Variants in DENND2A observed in about 807,000 individuals in gnomAD.
DENND2A encodes the protein DENN domain-containing protein 2A.
In DENND2A, 53 loss-of-function variants were observed where a neutral mutation model predicts 105.3. The observed-to-expected ratio is 0.50, with a 90% CI of 0.40 to 0.63. The LOEUF is 0.63. Ranked by LOEUF, DENND2A falls within the 30% of genes least tolerant of loss-of-function variation. The pLI, the probability that DENND2A is intolerant of heterozygous loss-of-function variation, is 0.00. For synonymous variants in DENND2A, 522 were observed against 508.4 expected (o/e 1.03, Z -0.36); for missense variants, 1,138 against 1,279.6 (o/e 0.89, Z 1.69).
chr7:140,556,756 A>T lies in DENND2A; in HGVS notation c.1960-1043T>A, dbSNP rs77772798. On this transcript the variant is annotated intron_variant, in intron 11 of 19. Coordinates refer to ENST00000496613, the MANE Select transcript of DENND2A (RefSeq NM_015689.5). Reference sequence around the variant, plus strand: ...TTAATTCAAAAAATGTTTCTTGAACACCTACTATGTGCCACGCATTATACT... The same window carrying T: ...TTAATTCAAAAAATGTTTCTTGAACTCCTACTATGTGCCACGCATTATACT... 6.0e-3 allele frequency among the ~76,000 whole-genome samples: 914 copies of T among 152,324 alleles called. 10 individuals are homozygous for T. Among genetic ancestry groups the T allele is most frequent in the African/African-American group, 0.019 (801 of 41,566 alleles).
chr7:140,614,136 C>G (rs1465364004), intron 1 of DENND2A, among the ~76,000 whole-genome samples: 1 of 152,084 alleles, frequency 6.6e-6, no homozygotes, highest in Admixed American at 6.5e-5. Context: ...GACAGAATCA[C>G]TCTGTCACCC....
At chr7:140,627,682 T>G (rs1478091114) in intron 1 of DENND2A, among the ~76,000 whole-genome samples, 1 of 151,706 alleles carries the variant, frequency 6.6e-6, no homozygotes, top group Non-Finnish European at 1.5e-5. Context: ...CTGCAACAAC[T>G]GGCTAATTTT....
intron 5 of DENND2A, 36 bp downstream of exon 5, chr7:140,585,553 C>T (rs536478031): frequency 6.2e-7 from 1 of 1,612,774 alleles, no homozygotes; most frequent in South Asian, 1.1e-5. Context: ...CATGCTTTGG[C>T]CCCCTCTCCT....
Position 140,526,533 on chromosome 7 carries a change from G to A in DENND2A, c.2506-741C>T, listed in dbSNP as rs1796061808. On this transcript the variant is annotated intron_variant, in intron 15 of 19. Coordinates refer to ENST00000496613, the MANE Select transcript of DENND2A (RefSeq NM_015689.5). The stretch of plus-strand genomic sequence containing the variant: ...TCCCAGAGACCTGCCCAGGAGCGGA[G>A]GGCCACCTCTCCTTCCTTCCCACTC... 1.3e-5 allele frequency among the ~76,000 whole-genome samples: 2 copies of A among 152,294 alleles called. 1 individual carries two copies. Among genetic ancestry groups the A allele is most frequent in the Non-Finnish European group, 2.9e-5 (2 of 68,036 alleles).
intron 3 of DENND2A, among the ~76,000 whole-genome samples, chr7:140,590,320 G>A (rs1798962656): frequency 6.6e-6 from 1 of 152,016 alleles, no homozygotes; most frequent in Non-Finnish European, 1.5e-5. Flanking sequence ...AACCGGGGAG[G>A]TGGAAGTTGC....
intron 1 of DENND2A, among the ~76,000 whole-genome samples, chr7:140,611,114 C>T (rs968766924): frequency 1.3e-5 from 2 of 152,156 alleles, no homozygotes; most frequent in Non-Finnish European, 2.9e-5. Flanking sequence ...GGCATGATCT[C>T]GGCTCACCGC....
chr7:140,613,926 T>C (rs7796944), intron 1 of DENND2A, among the ~76,000 whole-genome samples: 10,635 of 152,070 alleles, frequency 0.07, 905 homozygotes, highest in African/African-American at 0.21. Flanking sequence ...CCATGGAAAA[T>C]GTGGATTCAC....
In DENND2A at chr7:140,527,714, C is replaced by T. The variant is rs1322991274; in HGVS notation, c.2328-219G>A. ...CAGCTACAGGGATGAGTTTAACGTC[C>T]TGGATAATTTTTACAAGTGCGTTTC... On this transcript the variant is annotated intron_variant, in intron 14 of 19. Transcript: ENST00000496613. The surrounding 1 kb of genome is among the most constrained non-coding windows in gnomAD (Gnocchi z 4.9). Among the ~76,000 whole-genome samples, 1 of 152,178 alleles carries T rather than the reference C, an allele frequency of 6.6e-6. No homozygotes were observed. Among genetic ancestry groups the T allele is most frequent in the African/African-American group, 2.4e-5 (1 of 41,440 alleles).
chr7:140,617,172 T>C (rs1383455577), intron 1 of DENND2A, among the ~76,000 whole-genome samples: 1 of 152,190 alleles, frequency 6.6e-6, no homozygotes, highest in Non-Finnish European at 1.5e-5. Context: ...AGGCAGTATT[T>C]TACTCCAGTA....
intron 14 of DENND2A, among the ~76,000 whole-genome samples, chr7:140,538,316 T>A (rs1796519508): frequency 6.6e-6 from 1 of 152,164 alleles, no homozygotes; most frequent in East Asian, 1.9e-4. Context: ...ACTGAGTCTG[T>A]GACATGTCCT....
intron 19 of DENND2A, among the ~76,000 whole-genome samples, chr7:140,519,417 C>T (rs1236313915): frequency 6.6e-6 from 1 of 152,180 alleles, no homozygotes; most frequent in Non-Finnish European, 1.5e-5. Flanking sequence ...AGCCCGGGGA[C>T]CCAGAAAAGG....
At chr7:140,575,968 CAAAAA>C (rs34179994) in intron 5 of DENND2A, among the ~76,000 whole-genome samples, 1 of 145,076 alleles carries the variant, frequency 6.9e-6, no homozygotes, top group Non-Finnish European at 1.5e-5. Flanking sequence ...GACTCTATCT[CAAAAA>C]AAAATAAATA....
At chr7:140,571,980 ATCTCTC>A (rs58273598) in intron 6 of DENND2A, among the ~76,000 whole-genome samples, 54 of 149,040 alleles carry the variant, frequency 3.6e-4, no homozygotes, top group East Asian at 1.8e-3. Flanking sequence ...CAGCAGAACC[ATCTCTC>A]TCTCTCTCTC....
chr7:140,555,689 G>A lies in DENND2A; in HGVS notation c.1984C>T (p.Pro662Ser). Residue 662 changes from proline to serine, a missense_variant, in exon 12 of 20, where the codon CCT (proline) becomes TCT (serine). Physicochemically the swap from Pro to Ser is moderately conservative, Grantham distance 74. Coordinates refer to ENST00000496613, the MANE Select transcript of DENND2A (RefSeq NM_015689.5). The stretch of plus-strand genomic sequence containing the variant: ...CGGCTCACAATGCAGTAAACTTCAG[G>A]AAGGCGCTTCCCTTTGCCTCCAGGC... ...LLPGGKGKRL[P>S]EVYCIVSRLG... 1.2e-6 allele frequency: 2 copies of A among 1,608,788 alleles called. No homozygotes were observed. The highest frequency in any genetic ancestry group is 1.1e-5 in the South Asian group (1 of 90,202).
intron 1 of DENND2A, among the ~76,000 whole-genome samples, chr7:140,613,476 G>A (rs973349225): frequency 1.3e-5 from 2 of 149,862 alleles, no homozygotes; most frequent in South Asian, 2.1e-4. Flanking sequence ...GGAGGCAGAG[G>A]TTGCAGCGAG....
rs1016359604 is a variant in DENND2A at position 140,527,647 on chromosome 7, C to A, written c.2328-152G>T. On this transcript the variant is annotated intron_variant, in intron 14 of 19. Coordinates refer to ENST00000496613, the MANE Select transcript of DENND2A (RefSeq NM_015689.5). This position sits in a 1 kb window ranked among gnomAD's most constrained non-coding sequence, Gnocchi z 4.9. ...GAGCACATGATGGTCTCAGCACAGG[C>A]CACACCAGGCACTTAGAGCCTATGC... is the stretch of plus-strand genomic sequence containing the variant. The A allele has an allele frequency of 5.1e-6, 4 of 785,122 alleles. No individual in the cohort carries two copies. The highest frequency in any genetic ancestry group is 3.5e-5 in the African/African-American group (2 of 56,688). The allele number at this position is 785,122 out of a possible 1,614,324, so 48.6% of individuals were successfully genotyped here. A position where few individuals can be genotyped will look rare whatever the true frequency, so the allele number is the denominator to read the frequency against.
intron 1 of DENND2A, among the ~76,000 whole-genome samples, chr7:140,638,624 C>T (rs981128514): frequency 7.9e-5 from 12 of 152,234 alleles, no homozygotes; most frequent in Non-Finnish European, 1.8e-4. Flanking sequence ...CAGCTCCCGC[C>T]TCACCTCTCC....
At chr7:140,563,908 G>T (rs977630622) in intron 9 of DENND2A, among the ~76,000 whole-genome samples, 18 of 152,132 alleles carry the variant, frequency 1.2e-4, no homozygotes, top group Non-Finnish European at 5.9e-5. Context: ...GAGCCCAGGA[G>T]GTTGAGGCTG....
In DENND2A at chr7:140,523,343, A is replaced by G; in HGVS notation, c.2629T>C (p.Cys877Arg). ...HILEQRNELA[C>R]EQDEGPLDGR... ...TCTAGGGGCCCTTCGTCCTGCTCAC[A>G]AGCCAGCTCGTTCCTCTGTTCCAGA... is the stretch of plus-strand genomic sequence containing the variant. The change falls in exon 17 of 20, where the codon TGT (cysteine) becomes CGT (arginine). Residue 877 changes from cysteine to arginine, a missense_variant. Transcript: ENST00000496613. The surrounding 1 kb of genome is among the most constrained non-coding windows in gnomAD (Gnocchi z 4.5). 4.3e-6 allele frequency: 7 copies of G among 1,614,114 alleles called. No individual in the cohort carries two copies. The highest frequency in any genetic ancestry group is 5.9e-6 in the Non-Finnish European group (7 of 1,180,010).
Sources: gnomAD v4.1 joint callset for allele counts (sites outside exome capture counted in the v4.1 genomes callset) on GRCh38, gnomAD v4.1.1 for gene constraint, Gnocchi (gnomAD v3.1) non-coding constraint, MANE v1.5 for transcripts, NCBI Gene and HGNC (gene_info 2026-07-23, HGNC 2026-07-21) for gene names.